The following METTL4 variants were observed in gnomAD, a reference collection of about 807,000 sequenced individuals.
METTL4 encodes the protein methyltransferase 4, N6-adenosine.
Under a neutral mutation model 54.0 loss-of-function variants are expected in METTL4, and 40 were observed. The ratio of observed to expected loss-of-function variants is 0.74; its 90% confidence interval spans 0.58 to 0.96. The LOEUF is 0.96. METTL4 is among the 50% of genes least tolerant of loss of function. METTL4 has a pLI of 0.00. For synonymous variants in METTL4, 169 were observed against 183.8 expected (o/e 0.92, Z 0.65); for missense variants, 525 against 549.0 (o/e 0.96, Z 0.44).
At chr18:2,555,443 C>A (rs2143540675) in intron 3 of METTL4, 1 of 182,748 alleles carries the variant, frequency 5.5e-6, no homozygotes, top group South Asian at 1.2e-4. Context: ...GGTCTCAGGG[C>A]TGCCAACCTT....
At chr18:2,549,648 T>C (rs1173536633) in intron 5 of METTL4, among the ~76,000 whole-genome samples, 17 of 152,006 alleles carry the variant, frequency 1.1e-4, no homozygotes, top group Admixed American at 5.2e-4. Flanking sequence ...AGCTCTAGCA[T>C]GTGACAACTG....
intron 5 of METTL4, among the ~76,000 whole-genome samples, chr18:2,551,281 C>T (rs963854918): frequency 3.3e-5 from 5 of 151,494 alleles, no homozygotes; most frequent in Non-Finnish European, 5.9e-5. Flanking sequence ...ATATTCAAGG[C>T]TAACTTACCC....
chr18:2,543,682 T>C (rs1026474793), intron 8 of METTL4, among the ~76,000 whole-genome samples: 12 of 152,186 alleles, frequency 7.9e-5, no homozygotes, highest in Non-Finnish European at 1.8e-4. Context: ...ATAAACATTA[T>C]ACTAAAGCAT....
chr18:2,566,967 G>A lies in METTL4; in HGVS notation c.250C>T (p.Arg84Ter), dbSNP rs746873629. The A allele has an allele frequency of 5.6e-5, 90 of 1,613,954 alleles. No individual in the cohort carries two copies. In the South Asian group the frequency reaches 5.7e-4, roughly 10 times the overall value. Residue 84 changes from arginine to a stop codon, truncating the protein, a stop_gained, in exon 2 of 9, where the codon CGA becomes TGA. Coordinates refer to ENST00000574538, the MANE Select transcript of METTL4 (RefSeq NM_022840.5). LOFTEE classifies it high-confidence loss of function. The stretch of plus-strand genomic sequence containing the variant: ...AGTTCAGGTCGAAAAACAAATTTTC[G>A]TGTGAACATTTCATAATTTCCTCCA... ...DDGGNYEMFT[R>*]KFVFRPELFD...
chr18:2,567,442 A>G lies in METTL4; in HGVS notation c.-226T>C. On this transcript the variant is annotated 5_prime_UTR_variant, in exon 2 of 9. Transcript: ENST00000574538. ...GGAAAATTGCAATGTTTTAATATAA[A>G]CTTTCTTTTTAATTTCAGAGTTGAT... 2.8e-6 allele frequency: 1 copy of G among 350,932 alleles called. No homozygotes were observed. The highest frequency in any genetic ancestry group is 4.7e-5 in the East Asian group (1 of 21,320). 21.7% of individuals were successfully genotyped at this position (350,932 alleles called of 1,614,324 possible).
chr18:2,546,288 G>C (rs1437640692), intron 6 of METTL4, among the ~76,000 whole-genome samples: 1 of 152,072 alleles, frequency 6.6e-6, no homozygotes, highest in Non-Finnish European at 1.5e-5. Flanking sequence ...AATATTTTGA[G>C]AGAGAGACCA....
Position 2,563,796 on chromosome 18 carries a change from C to T in METTL4, c.459+1G>A, listed in dbSNP as rs2072359383. On this transcript the variant is annotated splice_donor_variant, in intron 3 of 8. Transcript: ENST00000574538. LOFTEE classifies it high-confidence loss of function. ...GTGATCAATGAACATTTTACACTTA[C>T]CTTTGTATGGTATTCCATAGCATCC... The T allele has an allele frequency of 1.3e-6, 2 of 1,599,752 alleles. No homozygotes were observed. The highest frequency in any genetic ancestry group is 1.7e-6 in the Non-Finnish European group (2 of 1,171,398).
chr18:2,568,157 C>T (rs1003576902), intron 1 of METTL4, among the ~76,000 whole-genome samples: 1 of 152,182 alleles, frequency 6.6e-6, no homozygotes, highest in Non-Finnish European at 1.5e-5. Flanking sequence ...TTTCTAACTC[C>T]ATGAGTGAGA....
Position 2,538,922 on chromosome 18 carries a change from A to C in METTL4, c.*78T>G. The stretch of plus-strand genomic sequence containing the variant: ...TTCTAAGAATATGGGTTGGTAACAA[A>C]ATAAAAAAATGACTTAGAATTAAGG... On this transcript the variant is annotated 3_prime_UTR_variant, in exon 9 of 9. Coordinates refer to ENST00000574538, the MANE Select transcript of METTL4 (RefSeq NM_022840.5). 6.6e-7 allele frequency: 1 copy of C among 1,506,454 alleles called. No individual in the cohort carries two copies. Among genetic ancestry groups the C allele is most frequent in the Non-Finnish European group, 9.0e-7 (1 of 1,111,246 alleles). 93.3% of individuals were successfully genotyped at this position (1,506,454 alleles called of 1,614,324 possible).
At chr18:2,543,531 T>C (rs923059786) in intron 8 of METTL4, among the ~76,000 whole-genome samples, 1 of 152,192 alleles carries the variant, frequency 6.6e-6, no homozygotes, top group Non-Finnish European at 1.5e-5. Flanking sequence ...AATATCATTA[T>C]TCCCTCTTTA....
At chr18:2,566,745 G>A (rs2072423933) in intron 2 of METTL4, 76 bp downstream of exon 2, 2 of 1,185,796 alleles carry the variant, frequency 1.7e-6, no homozygotes, top group African/African-American at 1.6e-5. Context: ...CGAATCACCA[G>A]ATATTTAAGA....
rs1286086208 is a variant in METTL4 at position 2,547,446 on chromosome 18, AC to A, written c.982del (p.Val328Ter). On this transcript the variant is annotated frameshift_variant, in exon 6 of 9. Coordinates refer to ENST00000574538, the MANE Select transcript of METTL4 (RefSeq NM_022840.5). LOFTEE classifies it high-confidence loss of function. ...AAPNCLLVTW[V>X]TNRQKHLRFI... ...ACGTAGGTGCTTCTGTCTATTGGTC[AC>A]CCAAGTAACAAGAAGACAGTTTGGA... The A allele has an allele frequency of 3.7e-6, 6 of 1,612,424 alleles. No homozygotes were observed. The South Asian group carries it at 6.6e-5, about 18-fold the overall frequency.
At chr18:2,541,770 T>C (rs1228271410) in intron 8 of METTL4, among the ~76,000 whole-genome samples, 3 of 151,830 alleles carry the variant, frequency 2.0e-5, no homozygotes, top group African/African-American at 7.3e-5. Context: ...AGGGTGTTTC[T>C]AAATACAAAA....
At chr18:2,552,492 C>T (rs114601589) in intron 5 of METTL4, among the ~76,000 whole-genome samples, 175 of 152,260 alleles carry the variant, frequency 1.1e-3, no homozygotes, top group African/African-American at 4.1e-3. Flanking sequence ...AATAAATGCA[C>T]TACTTTTGAC....
At chr18:2,552,667 G>A (rs1384159467) in intron 5 of METTL4, 28 bp downstream of exon 5, 1 of 1,535,634 alleles carries the variant, frequency 6.5e-7, no homozygotes, top group East Asian at 2.3e-5. Context: ...AGTTTTTTTA[G>A]AAAGCAAATG....
chr18:2,554,791 C>T lies in METTL4; in HGVS notation c.707G>A (p.Arg236Gln), dbSNP rs1383917542. 20 of 1,613,780 alleles carry T rather than the reference C, an allele frequency of 1.2e-5. No homozygotes were observed. Among genetic ancestry groups the T allele is most frequent in the South Asian group, 2.2e-5 (2 of 91,044 alleles). The change falls in exon 4 of 9, where the codon CGA (arginine) becomes CAA (glutamine). Residue 236 changes from arginine (R) to glutamine (Q), a missense_variant. By Grantham distance (43) the Arg-to-Gln change is conservative. Coordinates refer to ENST00000574538, the MANE Select transcript of METTL4 (RefSeq NM_022840.5). ...AAAGCTAGAGTTGTTTTCAACAACTCGCAAAAATAAATCCTGTTCTGTAAC... is the reference window on the plus strand; with the variant it reads ...AAAGCTAGAGTTGTTTTCAACAACTTGCAAAAATAAATCCTGTTCTGTAAC... Reference protein sequence around the residue: ...TSVTEQDLFLRVVENNSSFTK... With the variant: ...TSVTEQDLFLQVVENNSSFTK...
chr18:2,568,672 A>C (rs542719597), intron 1 of METTL4: 1 of 152,178 alleles, frequency 6.6e-6, no homozygotes, highest in African/African-American at 2.4e-5. Flanking sequence ...GAATCACTTG[A>C]ACCCAGGAGG....
chr18:2,541,742 A>G (rs1174507665), intron 8 of METTL4, among the ~76,000 whole-genome samples: 2 of 43,320 alleles, frequency 4.6e-5, no homozygotes, highest in Non-Finnish European at 5.2e-5. Context: ...AACCAATTAA[A>G]CTTAAAAAAA....
intron 6 of METTL4, among the ~76,000 whole-genome samples, chr18:2,546,202 C>A (rs190377186): frequency 2.0e-5 from 3 of 152,188 alleles, no homozygotes; most frequent in East Asian, 3.9e-4. Flanking sequence ...CCCCCCTTAT[C>A]CACAGTTTCA....
Sources: allele counts gnomAD v4.1 joint callset (sites outside exome capture counted in the v4.1 genomes callset), GRCh38; gene constraint gnomAD v4.1.1; transcripts MANE v1.5; gene names NCBI Gene and HGNC (gene_info 2026-07-23, HGNC 2026-07-21).